Variants in AKAP19 observed in about 807,000 individuals in gnomAD.
The protein encoded by AKAP19 is small A-kinase anchoring protein.
chr2:189,892,137 C>T, the AKAP19 span, among the ~76,000 whole-genome samples: 1 of 151,802 alleles, frequency 6.6e-6, no homozygotes, highest in Non-Finnish European at 1.5e-5. Flanking sequence ...TTCCTATAAC[C>T]TTTTTTCATG....
chr2:190,189,172 GAAAC>G, the AKAP19 span, among the ~76,000 whole-genome samples: 3 of 152,178 alleles, frequency 2.0e-5, no homozygotes, highest in African/African-American at 7.2e-5. Context: ...TGAGAAGAAA[GAAAC>G]AGAGACCCTG....
chr2:189,902,416 C>T, the AKAP19 span, among the ~76,000 whole-genome samples: 1 of 151,930 alleles, frequency 6.6e-6, no homozygotes, highest in Non-Finnish European at 1.5e-5. Context: ...GGCATAATTA[C>T]AAATGAATTC....
chr2:190,021,600 T>C, the AKAP19 span, among the ~76,000 whole-genome samples: 1 of 152,246 alleles, frequency 6.6e-6, no homozygotes, highest in Non-Finnish European at 1.5e-5. Flanking sequence ...GCTTTTGAGC[T>C]GAGCCCATGC....
the AKAP19 span, among the ~76,000 whole-genome samples, chr2:190,167,720 G>T: frequency 6.6e-6 from 1 of 152,302 alleles, no homozygotes; most frequent in South Asian, 2.1e-4. Flanking sequence ...AAATCTTAAA[G>T]CTCCAAAATG....
chr2:189,900,392 C>G, the AKAP19 span, among the ~76,000 whole-genome samples: 3 of 152,130 alleles, frequency 2.0e-5, no homozygotes, highest in Non-Finnish European at 4.4e-5. Flanking sequence ...TGTATTCCCC[C>G]CCAAAATGAT....
At chr2:189,971,524 G>A in the AKAP19 span, among the ~76,000 whole-genome samples, 3 of 152,146 alleles carry the variant, frequency 2.0e-5, no homozygotes, top group Non-Finnish European at 4.4e-5. Flanking sequence ...GGGTCAAATG[G>A]TATTTCTAGT....
chr2:189,893,775 A>G, the AKAP19 span, among the ~76,000 whole-genome samples: 2 of 151,854 alleles, frequency 1.3e-5, no homozygotes, highest in African/African-American at 4.9e-5. Context: ...ACATTTGGGG[A>G]AAAAAAGGCA....
At chr2:189,977,057 C>T in the AKAP19 span, among the ~76,000 whole-genome samples, 5,218 of 152,230 alleles carry the variant, frequency 0.034, 283 homozygotes, top group African/African-American at 0.11. Flanking sequence ...ATCACCCGTC[C>T]TCTGCATCGC....
At chr2:189,901,095 T>A in the AKAP19 span, among the ~76,000 whole-genome samples, 1 of 152,144 alleles carries the variant, frequency 6.6e-6, no homozygotes, top group Non-Finnish European at 1.5e-5. Context: ...CCTGCTCCTG[T>A]CAGCCTGACC....
chr2:189,958,762 C>T, the AKAP19 span, among the ~76,000 whole-genome samples: 17 of 151,650 alleles, frequency 1.1e-4, 1 homozygote, highest in Admixed American at 2.0e-4. Context: ...TAATGGAATG[C>T]TACATAGCAA....
the AKAP19 span, among the ~76,000 whole-genome samples, chr2:190,049,893 A>T: frequency 6.6e-6 from 1 of 152,230 alleles, no homozygotes; most frequent in Non-Finnish European, 1.5e-5. Context: ...AATCAATTGT[A>T]ACCATTTTCC....
chr2:190,071,969 C>A, the AKAP19 span, among the ~76,000 whole-genome samples: 1 of 151,966 alleles, frequency 6.6e-6, no homozygotes, highest in Admixed American at 6.6e-5. Context: ...AGAAGATATA[C>A]CTTTCATAAA....
At chr2:190,161,096 G>C in the AKAP19 span, among the ~76,000 whole-genome samples, 6 of 152,034 alleles carry the variant, frequency 3.9e-5, no homozygotes, top group African/African-American at 1.2e-4. Context: ...TAGTTCTCTG[G>C]ATTATTAGAC....
At chr2:189,925,588 T>C in the AKAP19 span, among the ~76,000 whole-genome samples, 6 of 152,248 alleles carry the variant, frequency 3.9e-5, no homozygotes, top group East Asian at 1.2e-3. Flanking sequence ...CATAGGTTCA[T>C]TTGTGGGTAT....
chr2:190,167,919 T>TA, the AKAP19 span, among the ~76,000 whole-genome samples: 1 of 152,126 alleles, frequency 6.6e-6, no homozygotes, highest in Non-Finnish European at 1.5e-5. Context: ...GATCTACTAT[T>TA]ATGGTGTCTG....
At chr2:190,148,594 T>C in the AKAP19 span, among the ~76,000 whole-genome samples, 1 of 152,242 alleles carries the variant, frequency 6.6e-6, no homozygotes, top group African/African-American at 2.4e-5. Context: ...CCAATTCTCC[T>C]TTGAATGTCT....
the AKAP19 span, among the ~76,000 whole-genome samples, chr2:190,006,757 G>A: frequency 4.6e-5 from 7 of 152,038 alleles, no homozygotes; most frequent in African/African-American, 1.7e-4. Context: ...GGTGGCTCAC[G>A]CCTGTAATCC....
chr2:190,108,166 T>C, the AKAP19 span, among the ~76,000 whole-genome samples: 2 of 152,236 alleles, frequency 1.3e-5, no homozygotes, highest in Non-Finnish European at 2.9e-5. Context: ...TTTGTTGTTG[T>C]TATTTTTTGA....
At chr2:189,966,333 G>A in the AKAP19 span, among the ~76,000 whole-genome samples, 3 of 151,906 alleles carry the variant, frequency 2.0e-5, no homozygotes, top group African/African-American at 7.3e-5. Flanking sequence ...CAAAACCTAT[G>A]GAAATAAAAA....
Sources: allele counts gnomAD v4.1 joint callset (sites outside exome capture counted in the v4.1 genomes callset), GRCh38; gene constraint gnomAD v4.1.1; transcripts MANE v1.5; gene names NCBI Gene and HGNC (gene_info 2026-07-23, HGNC 2026-07-21).